UBLCP1: variants seen among roughly 807,000 people sequenced by gnomAD.
UBLCP1 encodes the protein ubiquitin-like domain-containing CTD phosphatase 1.
A neutral mutation model predicts 42.4 loss-of-function variants in UBLCP1; 28 were observed. The ratio of observed to expected loss-of-function variants is 0.66; its 90% CI spans 0.49 to 0.90. UBLCP1 has a LOEUF of 0.90. Ranked by LOEUF, UBLCP1 falls within the 40% of genes least tolerant of loss-of-function variation. The pLI is 0.00. For synonymous variants in UBLCP1, 122 were observed against 120.8 expected (o/e 1.01, Z -0.07); for missense variants, 279 against 374.5 (o/e 0.75, Z 2.10).
chr5:159,266,479 A>G, intron 1 of UBLCP1, among the ~76,000 whole-genome samples: 1 of 152,252 alleles, frequency 6.6e-6, no homozygotes, highest in East Asian at 1.9e-4. Flanking sequence ...AGAAGTTTGG[A>G]AAATTAGCAG....
chr5:159,275,403 A>ATTTTT (rs56675251), intron 8 of UBLCP1, 157 bp downstream of exon 8: 6 of 164,410 alleles, frequency 3.6e-5, no homozygotes, highest in Admixed American at 1.3e-4. Flanking sequence ...AGGTTAAAAG[A>ATTTTT]TTTTTTTTTT....
chr5:159,270,323 A>G, intron 3 of UBLCP1, 37 bp from the exon 4 acceptor site: 1 of 1,473,484 alleles, frequency 6.8e-7, no homozygotes, highest in Non-Finnish European at 9.4e-7. Context: ...TATATTAAGG[A>G]TAATATGGTA....
At chr5:159,270,267 T>C in intron 3 of UBLCP1, 93 bp from the exon 4 acceptor site, 1 of 1,095,558 alleles carries the variant, frequency 9.1e-7, no homozygotes, top group South Asian at 1.5e-5. Context: ...ACTCTGGAAC[T>C]CAAATTGTAT....
rs138802953 is a variant in UBLCP1 at position 159,282,220 on chromosome 5, T to A, written c.802-992T>A. ...ATTATTGAAAGACTATCTTGAGTTG[T>A]ATAAAGATATTTGAGCAGGTGTCTT... is the stretch of plus-strand genomic sequence containing the variant. On this transcript the variant is annotated intron_variant, in intron 9 of 10. Transcript: ENST00000296786. 4.4e-3 allele frequency among the ~76,000 whole-genome samples: 670 copies of A among 152,286 alleles called. 7 individuals carry two copies. The highest frequency in any genetic ancestry group is 0.015 in the African/African-American group (630 of 41,568).
chr5:159,272,000 A>C (rs1294652119), intron 5 of UBLCP1, 23 bp from the exon 6 acceptor site: 1 of 1,543,248 alleles, frequency 6.5e-7, no homozygotes. Flanking sequence ...ACTAATAATT[A>C]TTTATGATCA....
chr5:159,273,614 C>A (rs1432658842), intron 6 of UBLCP1, among the ~76,000 whole-genome samples: 1 of 152,032 alleles, frequency 6.6e-6, no homozygotes, highest in Non-Finnish European at 1.5e-5. Context: ...AGCTGTGGGT[C>A]TTTTTGTTTT....
Position 159,269,911 on chromosome 5 carries a change from A to T in UBLCP1, c.158A>T (p.Lys53Ile). Residue 53 changes from lysine to isoleucine, a missense_variant, in exon 3 of 11, where the codon AAA becomes ATA. By Grantham distance (102) the Lys-to-Ile change is moderately radical (BLOSUM62 -3). Coordinates refer to ENST00000296786, the MANE Select transcript of UBLCP1 (RefSeq NM_145049.5). ...CAGTCATTTGCTTGTATTGTAGGCA[A>T]ACCTGCAGAAAATGATGTTAAGCTT... ...QKLLGLKVKG[K>I]PAENDVKLGA... is the part of the protein sequence containing the mutation. 1 of 1,612,390 alleles carries T rather than the reference A, an allele frequency of 6.2e-7. No homozygotes were observed. Among genetic ancestry groups the T allele is most frequent in the Non-Finnish European group, 8.5e-7 (1 of 1,179,176 alleles).
chr5:159,272,200 A>C (rs1441344862), intron 6 of UBLCP1, 79 bp downstream of exon 6: 1 of 1,125,984 alleles, frequency 8.9e-7, no homozygotes, highest in Non-Finnish European at 1.3e-6. Flanking sequence ...AATGTGACTT[A>C]AAATGACCTG....
At chr5:159,277,731 A>T (rs958212348) in intron 8 of UBLCP1, among the ~76,000 whole-genome samples, 9 of 152,222 alleles carry the variant, frequency 5.9e-5, no homozygotes, top group African/African-American at 1.9e-4. Flanking sequence ...CCTAGAAATT[A>T]TGCACCTGTG....
At chr5:159,281,862 A>C (rs1288647532) in intron 9 of UBLCP1, among the ~76,000 whole-genome samples, 1 of 24,940 alleles carries the variant, frequency 4.0e-5, no homozygotes, top group Non-Finnish European at 7.3e-5. Flanking sequence ...ACTAATGACC[A>C]AAAAAAAAAA....
At chr5:159,267,047 T>C (rs548622407) in intron 1 of UBLCP1, among the ~76,000 whole-genome samples, 5 of 152,174 alleles carry the variant, frequency 3.3e-5, no homozygotes, top group Admixed American at 1.3e-4. Context: ...CACTGCCTAG[T>C]GGAGCTGAGA....
chr5:159,271,477 AT>A (rs1336355265), intron 5 of UBLCP1, among the ~76,000 whole-genome samples: 1 of 152,178 alleles, frequency 6.6e-6, no homozygotes, highest in Non-Finnish European at 1.5e-5. Context: ...AAAGAAAAAA[AT>A]GTTTTGTGTT....
Position 159,274,692 on chromosome 5 carries a change from C to T in UBLCP1, c.585+70C>T, listed in dbSNP as rs909932672. On this transcript the variant is annotated intron_variant, in intron 7 of 10. Transcript: ENST00000296786. ...ATTTGTCTTGTTAAAAGTTCTAGAACTGAATTAATTTTATTCTTACTGGAG... is the reference window on the plus strand; with the variant it reads ...ATTTGTCTTGTTAAAAGTTCTAGAATTGAATTAATTTTATTCTTACTGGAG... The T allele has an allele frequency of 2.1e-5, 30 of 1,415,466 alleles. No homozygotes were observed. The Admixed American group carries it at 5.5e-4, about 26-fold the overall frequency. 87.7% of individuals were successfully genotyped at this position (1,415,466 alleles called of 1,614,324 possible). A position where few individuals can be genotyped will look rare whatever the true frequency, so the allele number is the denominator to read the frequency against.
rs779721950 is a variant in UBLCP1 at position 159,278,320 on chromosome 5, G to A, written c.767G>A (p.Arg256Lys). The A allele has an allele frequency of 1.9e-6, 3 of 1,613,710 alleles. No individual in the cohort carries two copies. The highest frequency in any genetic ancestry group is 4.5e-5 in the East Asian group (2 of 44,828). Residue 256 changes from arginine (R) to lysine (K), a missense_variant, in exon 9 of 11, where the codon AGA becomes AAA. Physicochemically the swap from Arg to Lys is conservative, Grantham distance 26. Transcript: ENST00000296786. ...ACCATTATGTTTGATGACATAGGGA[G>A]AAATTTTCTAATGAACCCACAGAAT... is the stretch of plus-strand genomic sequence containing the variant. ...KNTIMFDDIG[R>K]NFLMNPQNGL... is the part of the protein sequence containing the mutation.
chr5:159,282,317 C>A (rs1179086167), intron 9 of UBLCP1, among the ~76,000 whole-genome samples: 1 of 151,874 alleles, frequency 6.6e-6, no homozygotes, highest in East Asian at 1.9e-4. Flanking sequence ...GTTCAACAAA[C>A]TGTAAAGATA....
At position 159,266,601 on chromosome 5, in the gene UBLCP1, G is replaced by GA. The variant is rs1320636901; in HGVS notation, c.-46-2265dup. Among the ~76,000 whole-genome samples, 10 of 152,318 alleles carry GA rather than the reference G, an allele frequency of 6.6e-5. No individual in the cohort carries two copies. The South Asian group carries it at 8.3e-4, about 13-fold the overall frequency. On this transcript the variant is annotated intron_variant, in intron 1 of 10. Transcript: ENST00000296786. The stretch of plus-strand genomic sequence containing the variant: ...TAATGTTAATCCCCTAGACCGTGGG[G>GA]AAAATGTCTCCAGGCTATGTCAAAG...
At chr5:159,272,903 A>G (rs569100786) in intron 6 of UBLCP1, among the ~76,000 whole-genome samples, 2 of 152,354 alleles carry the variant, frequency 1.3e-5, no homozygotes, top group African/African-American at 2.4e-5. Context: ...GAAGCAATGC[A>G]TTGATTTACA....
At chr5:159,266,497 A>T (rs1364756150) in intron 1 of UBLCP1, among the ~76,000 whole-genome samples, 1 of 152,222 alleles carries the variant, frequency 6.6e-6, no homozygotes, top group Non-Finnish European at 1.5e-5. Flanking sequence ...CAGCCTGACT[A>T]TGCAGTAGAA....
At chr5:159,278,436 C>G (rs1364933004) in intron 9 of UBLCP1, 82 bp downstream of exon 9, 1 of 954,666 alleles carries the variant, frequency 1.0e-6, no homozygotes, top group Non-Finnish European at 1.7e-6. Flanking sequence ...TGTTGAATTT[C>G]ATATATTTTT....
Sources: allele counts gnomAD v4.1 joint callset (sites outside exome capture counted in the v4.1 genomes callset), GRCh38; gene constraint gnomAD v4.1.1; transcripts MANE v1.5; gene names NCBI Gene and HGNC (gene_info 2026-07-23, HGNC 2026-07-21).